Variants in EPHA6 observed in about 807,000 individuals in gnomAD.
EPHA6 encodes ephrin type-A receptor 6.
In EPHA6, 50 loss-of-function variants were observed where a neutral mutation model predicts 112.0. The ratio of observed to expected loss-of-function variants is 0.45; its 90% CI spans 0.36 to 0.56. The LOEUF is 0.56. Among genes scored for constraint, EPHA6 ranks in the 20% least tolerant of loss-of-function variants. The pLI, the probability that EPHA6 is intolerant of heterozygous loss-of-function variation, is 0.00. For missense variants in EPHA6, 1,280 were observed against 1,417.4 expected (o/e 0.90, Z 1.56); for synonymous variants, 529 against 490.7 (o/e 1.08, Z -1.03).
chr3:97,690,749 T>A (rs755946160), intron 14 of EPHA6, among the ~76,000 whole-genome samples: 1 of 152,206 alleles, frequency 6.6e-6, no homozygotes, highest in Non-Finnish European at 1.5e-5. Flanking sequence ...ATTACAGGTG[T>A]GAGCCACCAT....
At chr3:97,201,084 T>C (rs1432652494) in intron 3 of EPHA6, among the ~76,000 whole-genome samples, 7 of 152,144 alleles carry the variant, frequency 4.6e-5, no homozygotes, top group African/African-American at 1.7e-4. Context: ...TGTATCTATC[T>C]TTCAATAACC....
At chr3:97,481,525 G>A in intron 9 of EPHA6, 3 of 888,368 alleles carry the variant, frequency 3.4e-6, no homozygotes, top group Admixed American at 1.8e-5. Flanking sequence ...GGGGCTAAGT[G>A]CAGGCCCGGG....
chr3:97,655,472 G>A (rs1407486844), intron 14 of EPHA6, among the ~76,000 whole-genome samples: 1 of 151,782 alleles, frequency 6.6e-6, no homozygotes, highest in East Asian at 1.9e-4. Flanking sequence ...ATTTTTTATG[G>A]GTGCATAGTA....
intron 2 of EPHA6, among the ~76,000 whole-genome samples, chr3:96,905,360 T>A (rs1300305944): frequency 6.6e-6 from 1 of 152,006 alleles, no homozygotes; most frequent in African/African-American, 2.4e-5. Flanking sequence ...TTCTTTTTTC[T>A]TATAATTTTA....
At chr3:96,822,842 T>TGACCTATAGA (rs2107228018) in intron 1 of EPHA6, among the ~76,000 whole-genome samples, 1 of 151,440 alleles carries the variant, frequency 6.6e-6, no homozygotes, top group South Asian at 2.1e-4. Flanking sequence ...TCTTAGGTAG[T>TGACCTATAGA]GTATAGAGTA....
chr3:97,428,770 C>T (rs1052640636), intron 6 of EPHA6, among the ~76,000 whole-genome samples: 2 of 152,134 alleles, frequency 1.3e-5, no homozygotes, highest in African/African-American at 2.4e-5. Flanking sequence ...CCTCATTCTG[C>T]CTGAGATCCG....
intron 11 of EPHA6, among the ~76,000 whole-genome samples, chr3:97,566,151 G>A (rs2093263847): frequency 6.6e-6 from 1 of 152,160 alleles, no homozygotes; most frequent in Non-Finnish European, 1.5e-5. Context: ...GGTAGCAAGT[G>A]CATCATGTGG....
chr3:97,508,783 G>A (rs183929594), intron 10 of EPHA6, among the ~76,000 whole-genome samples: 46 of 152,056 alleles, frequency 3.0e-4, no homozygotes, highest in African/African-American at 1.1e-3. Flanking sequence ...ATTATTGTGT[G>A]GGAGTCTAAG....
intron 13 of EPHA6, among the ~76,000 whole-genome samples, chr3:97,627,007 TA>T (rs2093863146): frequency 1.3e-5 from 2 of 152,034 alleles, no homozygotes; most frequent in Admixed American, 6.6e-5. Context: ...ATGTGCTTTC[TA>T]TGGGTCAGTC....
intron 13 of EPHA6, among the ~76,000 whole-genome samples, chr3:97,630,625 TC>T (rs2093894738): frequency 6.6e-6 from 1 of 152,030 alleles, no homozygotes; most frequent in African/African-American, 2.4e-5. Context: ...CATAAATATT[TC>T]TTTTAAAGAC....
intron 4 of EPHA6, among the ~76,000 whole-genome samples, chr3:97,235,845 C>G (rs2078662887): frequency 1.3e-5 from 2 of 151,958 alleles, no homozygotes; most frequent in Admixed American, 6.6e-5. Flanking sequence ...CCAGTTATAC[C>G]AGTTACATAC....
At chr3:97,292,825 G>A (rs1452949733) in intron 5 of EPHA6, among the ~76,000 whole-genome samples, 2 of 150,776 alleles carry the variant, frequency 1.3e-5, no homozygotes, top group Non-Finnish European at 2.9e-5. Flanking sequence ...TGAGCGTCCT[G>A]CTCTCAGCAG....
intron 3 of EPHA6, among the ~76,000 whole-genome samples, chr3:97,024,357 T>C (rs2044563279): frequency 1.3e-5 from 2 of 152,180 alleles, no homozygotes; most frequent in South Asian, 4.1e-4. Flanking sequence ...TGCTGTGATT[T>C]CATGTAAAGA....
At chr3:96,869,918 T>C (rs537806456) in intron 2 of EPHA6, among the ~76,000 whole-genome samples, 1 of 152,134 alleles carries the variant, frequency 6.6e-6, no homozygotes, top group East Asian at 1.9e-4. Flanking sequence ...TGAATATTGG[T>C]TTTGAATATC....
At chr3:97,190,838 G>T (rs1002775727) in intron 3 of EPHA6, among the ~76,000 whole-genome samples, 1 of 151,808 alleles carries the variant, frequency 6.6e-6, no homozygotes, top group Non-Finnish European at 1.5e-5. Context: ...TGCACAATGT[G>T]CACATGTACC....
chr3:96,906,137 A>G (rs1258670700), intron 2 of EPHA6, among the ~76,000 whole-genome samples: 2 of 152,122 alleles, frequency 1.3e-5, no homozygotes, highest in Non-Finnish European at 2.9e-5. Context: ...CCTGTTTTAA[A>G]AAACTGAATT....
intron 2 of EPHA6, among the ~76,000 whole-genome samples, chr3:96,979,004 G>A (rs2042643815): frequency 6.6e-6 from 1 of 152,032 alleles, no homozygotes; most frequent in African/African-American, 2.4e-5. Context: ...CATGGTTAAT[G>A]CTTTTTGTTA....
chr3:97,049,224 T>G (rs1414598003), intron 3 of EPHA6, among the ~76,000 whole-genome samples: 1 of 152,192 alleles, frequency 6.6e-6, no homozygotes, highest in Non-Finnish European at 1.5e-5. Context: ...TTTGATCAGA[T>G]AAGTGTTATG....
intron 3 of EPHA6, among the ~76,000 whole-genome samples, chr3:97,051,368 G>A (rs2045679963): frequency 6.6e-6 from 1 of 152,088 alleles, no homozygotes; most frequent in Non-Finnish European, 1.5e-5. Context: ...CCCAGAATTT[G>A]TGGTGCTTAA....
Sources: gnomAD v4.1 joint callset for allele counts (sites outside exome capture counted in the v4.1 genomes callset) on GRCh38, gnomAD v4.1.1 for gene constraint, MANE v1.5 for transcripts, NCBI Gene and HGNC (gene_info 2026-07-23, HGNC 2026-07-21) for gene names.